Variants in RNF150 observed in about 807,000 individuals in gnomAD.
The protein encoded by RNF150 is ring finger protein 150.
A neutral mutation model predicts 39.3 loss-of-function variants in RNF150; 24 were observed. The observed-to-expected ratio is 0.61, with a 90% confidence interval of 0.44 to 0.86. RNF150 has a LOEUF of 0.86. RNF150 is among the 40% of genes least tolerant of loss of function. RNF150 has a pLI of 0.00. For synonymous variants in RNF150, 255 were observed against 227.3 expected, an observed-to-expected ratio of 1.12 and a Z score of -1.10; for missense variants, 502 against 587.8, an observed-to-expected ratio of 0.85 and a Z score of 1.51.
chr4:141,050,878 T>C lies in RNF150; in HGVS notation c.484+81447A>G, dbSNP rs573743069. 2.0e-5 allele frequency among the ~76,000 whole-genome samples: 3 copies of C among 152,330 alleles called. No individual in the cohort carries two copies. In the East Asian group the frequency reaches 5.8e-4, roughly 29 times the overall value. ...CTCTTCTCACAGCTCCACTAGGTAGTGCCCCAGTAGGGACTCTGTGTGGGG... is the reference window on the plus strand; with the variant it reads ...CTCTTCTCACAGCTCCACTAGGTAGCGCCCCAGTAGGGACTCTGTGTGGGG... On this transcript the variant is annotated intron_variant, in intron 1 of 6. Transcript: ENST00000515673.
At chr4:141,104,324 TACA>T (rs1359798398) in intron 1 of RNF150, among the ~76,000 whole-genome samples, 4 of 152,184 alleles carry the variant, frequency 2.6e-5, no homozygotes, top group Admixed American at 6.5e-5. Context: ...CGCAATTGCT[TACA>T]ACATCACTTG....
intron 6 of RNF150, 47 bp downstream of exon 6, chr4:140,911,097 G>C (rs746805037): frequency 6.8e-7 from 1 of 1,476,086 alleles, no homozygotes; most frequent in Admixed American, 1.8e-5. Context: ...ATTCCTACAA[G>C]GCAACAGTCC....
intron 1 of RNF150, among the ~76,000 whole-genome samples, chr4:141,177,860 TTATGTTCA>T (rs1412971561): frequency 6.6e-6 from 1 of 152,230 alleles, no homozygotes; most frequent in African/African-American, 2.4e-5. Flanking sequence ...TTGTTTACTT[TTATGTTCA>T]ATTTACCATA....
chr4:140,978,996 A>G (rs949065861), intron 1 of RNF150, among the ~76,000 whole-genome samples: 37 of 152,150 alleles, frequency 2.4e-4, no homozygotes, highest in African/African-American at 8.9e-4. Flanking sequence ...TGCTGGACAA[A>G]AAACAATATA....
chr4:140,873,503 T>C (rs1465121623), intron 6 of RNF150, among the ~76,000 whole-genome samples: 5 of 152,148 alleles, frequency 3.3e-5, no homozygotes, highest in Admixed American at 6.5e-5. Flanking sequence ...CCTTTAAATA[T>C]ACTCCTTCAT....
At chr4:141,155,979 C>CCAT (rs921751754) in intron 1 of RNF150, among the ~76,000 whole-genome samples, 1 of 151,260 alleles carries the variant, frequency 6.6e-6, no homozygotes, top group African/African-American at 2.4e-5. Context: ...ACCTTCCATC[C>CCAT]CATCATGGCT....
intron 1 of RNF150, among the ~76,000 whole-genome samples, chr4:141,163,348 C>G (rs1727546742): frequency 1.3e-5 from 2 of 152,238 alleles, no homozygotes; most frequent in Admixed American, 1.3e-4. Flanking sequence ...GACAGAGCAC[C>G]TGAGGGAAGC....
At chr4:141,008,450 G>A (rs1029994036) in intron 1 of RNF150, among the ~76,000 whole-genome samples, 3 of 151,992 alleles carry the variant, frequency 2.0e-5, no homozygotes, top group African/African-American at 4.8e-5. Flanking sequence ...TCTTTTCATG[G>A]TTTGTGTTTT....
At chr4:140,884,112 C>A (rs1203386828) in intron 6 of RNF150, among the ~76,000 whole-genome samples, 1 of 152,062 alleles carries the variant, frequency 6.6e-6, no homozygotes, top group Non-Finnish European at 1.5e-5. Flanking sequence ...TAGTCTTCAA[C>A]TCTTGAATTT....
At chr4:140,983,424 C>A (rs1237208908) in intron 1 of RNF150, among the ~76,000 whole-genome samples, 1 of 152,086 alleles carries the variant, frequency 6.6e-6, no homozygotes, top group Non-Finnish European at 1.5e-5. Context: ...ATTTGTCTTC[C>A]TTTTCTTATC....
At chr4:140,872,262 T>G (rs2111186057) in intron 6 of RNF150, among the ~76,000 whole-genome samples, 2 of 152,342 alleles carry the variant, frequency 1.3e-5, no homozygotes, top group South Asian at 4.1e-4. Flanking sequence ...TGAATTTGCC[T>G]CCTTCTCTGC....
intron 6 of RNF150, among the ~76,000 whole-genome samples, chr4:140,904,259 G>A (rs1169176262): frequency 1.3e-5 from 2 of 152,180 alleles, no homozygotes; most frequent in East Asian, 1.9e-4. Context: ...ATCTTCAAAT[G>A]CTTTGTTTTA....
In RNF150 at chr4:140,927,837, C is replaced by T. The variant is rs755543509; in HGVS notation, c.891-1764G>A. Among the ~76,000 whole-genome samples the T allele has an allele frequency of 2.8e-4, 43 of 151,602 alleles. 1 individual carries two copies. Among genetic ancestry groups the T allele is most frequent in the Admixed American group, 2.2e-3 (33 of 15,252 alleles). On this transcript the variant is annotated intron_variant, in intron 4 of 6. Coordinates refer to ENST00000515673, the MANE Select transcript of RNF150 (RefSeq NM_020724.2). The stretch of plus-strand genomic sequence containing the variant: ...CTAGTTTTTGTATTTTTAGTAGAGA[C>T]GGGGTTTTGCCATGTTGGCCGGGCT...
chr4:141,071,244 A>AG (rs1248140886), intron 1 of RNF150, among the ~76,000 whole-genome samples: 1 of 86,352 alleles, frequency 1.2e-5, no homozygotes, highest in Admixed American at 1.6e-4. Context: ...GGGTGGGGGG[A>AG]GGGGGGAGGG....
chr4:140,941,682 AG>A (rs1425429700), intron 4 of RNF150, among the ~76,000 whole-genome samples: 1 of 152,210 alleles, frequency 6.6e-6, no homozygotes, highest in Non-Finnish European at 1.5e-5. Context: ...ACTAGTGAAA[AG>A]GCTACTGCAG....
chr4:140,871,385 T>A (rs2129645), intron 6 of RNF150, among the ~76,000 whole-genome samples: 25,507 of 152,104 alleles, frequency 0.17, 2,521 homozygotes, highest in East Asian at 0.38. Flanking sequence ...AATGCCTGCT[T>A]TTGTATATTT....
chr4:140,946,477 AT>A (rs928570272), intron 4 of RNF150, among the ~76,000 whole-genome samples: 39 of 149,962 alleles, frequency 2.6e-4, no homozygotes, highest in East Asian at 9.8e-4. Context: ...GTCTCTAAGA[AT>A]TTTTTTTTTC....
chr4:141,053,324 G>C (rs1377136225), intron 1 of RNF150, among the ~76,000 whole-genome samples: 4 of 152,066 alleles, frequency 2.6e-5, no homozygotes, highest in Non-Finnish European at 5.9e-5. Flanking sequence ...TGAAGAATCA[G>C]GGTAAATGTA....
intron 6 of RNF150, among the ~76,000 whole-genome samples, chr4:140,902,400 G>A (rs1038654794): frequency 1.3e-5 from 2 of 152,142 alleles, no homozygotes; most frequent in Admixed American, 1.3e-4. Flanking sequence ...AAAAGGAAAC[G>A]CTCTTTACAA....
Sources: allele counts gnomAD v4.1 joint callset (sites outside exome capture counted in the v4.1 genomes callset), GRCh38; gene constraint gnomAD v4.1.1; transcripts MANE v1.5; gene names NCBI Gene and HGNC (gene_info 2026-07-23, HGNC 2026-07-21).